Variants in ZFAND4 observed in about 807,000 individuals in gnomAD.
ZFAND4 encodes the protein AN1-type zinc finger protein 4.
Under a neutral mutation model 64.4 loss-of-function variants are expected in ZFAND4, and 43 were observed. The observed-to-expected ratio is 0.67, with a 90% confidence interval of 0.52 to 0.86. The LOEUF is 0.86. Among genes scored for constraint, ZFAND4 ranks in the 40% least tolerant of loss-of-function variants. The pLI is 0.00. For missense variants in ZFAND4, 929 were observed against 859.8 expected, an observed-to-expected ratio of 1.08 and a Z score of -1.01; for synonymous variants, 296 against 305.7, an observed-to-expected ratio of 0.97 and a Z score of 0.33.
chr10:45,671,811 C>A (rs1172480286), intron 1 of ZFAND4, among the ~76,000 whole-genome samples: 1 of 149,726 alleles, frequency 6.7e-6, no homozygotes, highest in African/African-American at 2.5e-5. Context: ...TGCACATGTA[C>A]CCTAGAACTT....
intron 4 of ZFAND4, among the ~76,000 whole-genome samples, 162 bp downstream of exon 4, chr10:45,651,804 C>T (rs1369928037): frequency 1.3e-5 from 2 of 152,158 alleles, no homozygotes; most frequent in African/African-American, 2.4e-5. Context: ...GTTCCAGCCT[C>T]TAGGCATTTA....
chr10:45,623,087 G>C (rs2045550909), intron 8 of ZFAND4, among the ~76,000 whole-genome samples: 1 of 152,092 alleles, frequency 6.6e-6, no homozygotes, highest in Non-Finnish European at 1.5e-5. Context: ...ACACCCATTA[G>C]GATGGCTACT....
At position 45,648,328 on chromosome 10, in the gene ZFAND4, G is replaced by C. The variant is rs767827525; in HGVS notation, c.535C>G (p.His179Asp). Residue 179 changes from histidine (H) to aspartate (D), a missense_variant, in exon 5 of 10, where the codon CAT (histidine) becomes GAT (aspartate). Physicochemically the swap from His to Asp is moderately conservative, Grantham distance 81. Coordinates refer to ENST00000344646, the MANE Select transcript of ZFAND4 (RefSeq NM_174890.4). ...TGTTCTCCTTTTCTCCGTAGGACATGCAAATGAAAATCTATTTTCTTTGAA... is the reference window on the plus strand; with the variant it reads ...TGTTCTCCTTTTCTCCGTAGGACATCCAAATGAAAATCTATTTTCTTTGAA... ...DSSKKIDFHLHVLRRKGEHRM... is the reference protein window; with the variant it reads ...DSSKKIDFHLDVLRRKGEHRM... The C allele has an allele frequency of 8.1e-6, 13 of 1,613,242 alleles. No homozygotes were observed. The highest frequency in any genetic ancestry group is 3.3e-5 in the Admixed American group (2 of 59,814).
chr10:45,660,121 C>G (rs186173790), intron 2 of ZFAND4, among the ~76,000 whole-genome samples: 1 of 146,192 alleles, frequency 6.8e-6, no homozygotes, highest in Non-Finnish European at 1.5e-5. Context: ...AAGATCACAC[C>G]ACTGCACTTC....
chr10:45,619,761 CTTT>C, intron 8 of ZFAND4, among the ~76,000 whole-genome samples: 1 of 152,006 alleles, frequency 6.6e-6, no homozygotes. Flanking sequence ...ATTAAATCTT[CTTT>C]ATTACCAGTA....
At chr10:45,622,546 C>T (rs1401798683) in intron 8 of ZFAND4, among the ~76,000 whole-genome samples, 1 of 152,210 alleles carries the variant, frequency 6.6e-6, no homozygotes, top group East Asian at 1.9e-4. Context: ...GCATTCTGGA[C>T]TTTCCAGTGA....
intron 5 of ZFAND4, among the ~76,000 whole-genome samples, chr10:45,646,846 T>C (rs895597046): frequency 3.3e-5 from 5 of 152,208 alleles, no homozygotes; most frequent in African/African-American, 1.2e-4. Context: ...TAACCCTCAC[T>C]GCTACCTCCT....
intron 2 of ZFAND4, among the ~76,000 whole-genome samples, chr10:45,662,862 T>C (rs1390075323): frequency 6.6e-6 from 1 of 152,246 alleles, no homozygotes; most frequent in African/African-American, 2.4e-5. Context: ...ATCCATTTAC[T>C]GTTATATGGA....
intron 9 of ZFAND4, 25 bp from the exon 10 acceptor site, chr10:45,616,596 G>A: frequency 6.2e-7 from 1 of 1,613,216 alleles, no homozygotes; most frequent in Non-Finnish European, 8.5e-7. Flanking sequence ...AAGTTTACGT[G>A]AATAGTTGTA....
At chr10:45,641,749 C>G (rs555487555) in intron 5 of ZFAND4, among the ~76,000 whole-genome samples, 4 of 152,342 alleles carry the variant, frequency 2.6e-5, no homozygotes, top group African/African-American at 7.2e-5. Flanking sequence ...CTCTGCCAGG[C>G]ACTTCCCACA....
chr10:45,655,505 A>G (rs2048038284), intron 2 of ZFAND4, among the ~76,000 whole-genome samples: 1 of 152,246 alleles, frequency 6.6e-6, no homozygotes, highest in Admixed American at 6.5e-5. Flanking sequence ...TAGAAAAGAA[A>G]TAACAAAGAT....
intron 2 of ZFAND4, among the ~76,000 whole-genome samples, chr10:45,656,364 T>G (rs1440842588): frequency 7.2e-6 from 1 of 139,192 alleles, no homozygotes; most frequent in African/African-American, 2.7e-5. Flanking sequence ...CTTTGGGAGG[T>G]TGAGGTGGGC....
At chr10:45,654,562 T>G (rs889956782) in intron 2 of ZFAND4, among the ~76,000 whole-genome samples, 1 of 150,906 alleles carries the variant, frequency 6.6e-6, no homozygotes, top group African/African-American at 2.4e-5. Context: ...GAGGTTGCAG[T>G]GAGCCGAGAT....
intron 6 of ZFAND4, among the ~76,000 whole-genome samples, chr10:45,633,456 G>A (rs926547437): frequency 3.3e-5 from 5 of 152,062 alleles, no homozygotes; most frequent in African/African-American, 1.2e-4. Flanking sequence ...CATAGTCCCA[G>A]CTACGTGGGA....
At chr10:45,630,816 T>C (rs563992285) in intron 6 of ZFAND4, among the ~76,000 whole-genome samples, 23 of 151,624 alleles carry the variant, frequency 1.5e-4, no homozygotes, top group African/African-American at 5.6e-4. Context: ...AAGGTGGTTG[T>C]ATATTAGACA....
intron 1 of ZFAND4, among the ~76,000 whole-genome samples, chr10:45,669,592 G>A (rs563900845): frequency 2.6e-5 from 4 of 152,168 alleles, no homozygotes; most frequent in Non-Finnish European, 5.9e-5. Context: ...GAGAATTTTA[G>A]ACCAGTATCC....
At chr10:45,661,219 A>T (rs2048451479) in intron 2 of ZFAND4, among the ~76,000 whole-genome samples, 1 of 152,336 alleles carries the variant, frequency 6.6e-6, no homozygotes, top group East Asian at 1.9e-4. Flanking sequence ...TTCCTATCTT[A>T]GACTGAGACA....
At chr10:45,642,632 C>T (rs1288935014) in intron 5 of ZFAND4, among the ~76,000 whole-genome samples, 3 of 149,068 alleles carry the variant, frequency 2.0e-5, no homozygotes, top group Non-Finnish European at 4.5e-5. Context: ...AAAGAACAAT[C>T]ATGATAAATC....
chr10:45,641,800 T>A (rs1197437617), intron 5 of ZFAND4, among the ~76,000 whole-genome samples: 1 of 152,178 alleles, frequency 6.6e-6, no homozygotes, highest in East Asian at 1.9e-4. Context: ...AGGTAGATAT[T>A]ATAGCTGATT....
Sources: gnomAD v4.1 joint callset for allele counts (sites outside exome capture counted in the v4.1 genomes callset) on GRCh38, gnomAD v4.1.1 for gene constraint, MANE v1.5 for transcripts, NCBI Gene and HGNC (gene_info 2026-07-23, HGNC 2026-07-21) for gene names.